Variants in ZBTB44 observed in about 807,000 individuals in gnomAD.
ZBTB44 encodes the protein zinc finger and BTB domain containing 44, also known as zinc finger and BTB domain-containing protein 44.
Under a neutral mutation model 54.0 loss-of-function variants are expected in ZBTB44, and 15 were observed. The observed-to-expected ratio is 0.28, with a 90% CI of 0.19 to 0.43. The LOEUF (loss-of-function observed/expected upper bound fraction) is 0.43, where lower values mean the gene tolerates loss of function less well. Ranked by LOEUF, ZBTB44 falls within the 20% of genes least tolerant of loss-of-function variation. The probability of loss-of-function intolerance (pLI) is 1.00; values close to 1 mark genes in which losing one functional copy is unlikely to be tolerated. For missense variants in ZBTB44, 487 were observed against 707.1 expected, an observed-to-expected ratio of 0.69 and a Z score of 3.53; for synonymous variants, 230 against 250.1, an observed-to-expected ratio of 0.92 and a Z score of 0.76.
intron 1 of ZBTB44, among the ~76,000 whole-genome samples, chr11:130,283,800 T>A (rs1177099581): frequency 3.3e-5 from 5 of 150,794 alleles, no homozygotes; most frequent in Non-Finnish European, 7.4e-5. Flanking sequence ...ATCCCATCTC[T>A]ACTAAAAATA....
intron 4 of ZBTB44, 104 bp downstream of exon 4, chr11:130,238,339 GT>G (rs200944565): frequency 4.3e-5 from 58 of 1,345,842 alleles, no homozygotes; most frequent in Non-Finnish European, 5.0e-5. Context: ...ACTTCCCAGA[GT>G]TTTTTTTAAA....
At chr11:130,308,220 A>G (rs1942384643) in intron 1 of ZBTB44, among the ~76,000 whole-genome samples, 3 of 152,220 alleles carry the variant, frequency 2.0e-5, no homozygotes, top group Non-Finnish European at 4.4e-5. Context: ...TTGTCTAAGT[A>G]CACTTTATGA....
chr11:130,238,984 TA>T (rs1954235989), intron 3 of ZBTB44: 1 of 160,282 alleles, frequency 6.2e-6, no homozygotes, highest in African/African-American at 2.4e-5. Context: ...GAAAATGGAT[TA>T]GGGGAAGAAT....
chr11:130,300,074 T>C (rs1392675245), intron 1 of ZBTB44, among the ~76,000 whole-genome samples: 1 of 152,188 alleles, frequency 6.6e-6, no homozygotes, highest in African/African-American at 2.4e-5. Context: ...ACAAATACCA[T>C]ATGATTCCGA....
chr11:130,241,008 G>C (rs1284418395), intron 2 of ZBTB44, among the ~76,000 whole-genome samples: 2 of 152,136 alleles, frequency 1.3e-5, no homozygotes, highest in Non-Finnish European at 2.9e-5. Context: ...CATACTATAT[G>C]TATTCTTTTG....
At chr11:130,242,182 T>C (rs939121423) in intron 2 of ZBTB44, among the ~76,000 whole-genome samples, 6 of 151,352 alleles carry the variant, frequency 4.0e-5, no homozygotes, top group African/African-American at 1.5e-4. Context: ...ACACAATATT[T>C]TCCTATTTCT....
chr11:130,241,648 T>C (rs959840431), intron 2 of ZBTB44, among the ~76,000 whole-genome samples: 26 of 152,170 alleles, frequency 1.7e-4, no homozygotes, highest in African/African-American at 4.8e-4. Flanking sequence ...CCCCATCCCA[T>C]GGCTTTTTTT....
rs773432222 is a variant in ZBTB44 at position 130,236,954 on chromosome 11, T to C, written c.1407A>G (p.Glu469=). ...ICSATFTSFG[E]YKHHMRVSRH... ...GGGAAACCCTCATGTGGTGTTTATA[T>C]TCCCCGAAGGAAGTGAAAGTGGCAC... Residue 469 remains glutamate (E), a synonymous_variant, in exon 5 of 8, where the codon GAA becomes GAG. Transcript: ENST00000357899. The C allele has an allele frequency of 6.2e-7, 1 of 1,613,258 alleles. No individual in the cohort carries two copies. Among genetic ancestry groups the C allele is most frequent in the Non-Finnish European group, 8.5e-7 (1 of 1,179,604 alleles).
chr11:130,254,203 C>A (rs1042850554), intron 2 of ZBTB44, among the ~76,000 whole-genome samples: 5 of 152,010 alleles, frequency 3.3e-5, no homozygotes, highest in Non-Finnish European at 7.4e-5. Flanking sequence ...GCAACAAAAG[C>A]CAAAATTGAC....
At position 130,260,992 on chromosome 11, in the gene ZBTB44, T is replaced by C. The variant is rs370690093; in HGVS notation, c.882A>G (p.Leu294=). The C allele has an allele frequency of 1.1e-4, 174 of 1,614,000 alleles. 1 individual carries two copies. The South Asian group carries it at 1.7e-3, about 16-fold the overall frequency. The change falls in exon 2 of 8, where the codon TTA becomes TTG. Residue 294 remains leucine (L), a synonymous_variant. Transcript: ENST00000357899. The stretch of plus-strand genomic sequence containing the variant: ...CTTCCTCATGGACCTCCTCATCACT[T>C]AATCTTTCTACTTTGACCCGGACAT... ...EEDVRVKVER[L]SDEEVHEEVS...
chr11:130,307,212 A>C (rs369224028), intron 1 of ZBTB44, among the ~76,000 whole-genome samples: 11 of 152,104 alleles, frequency 7.2e-5, no homozygotes, highest in Non-Finnish European at 1.3e-4. Flanking sequence ...ATCACAAGGT[A>C]AGGAGACCAA....
chr11:130,266,599 TG>T (rs1436243551), intron 1 of ZBTB44, among the ~76,000 whole-genome samples: 5 of 152,316 alleles, frequency 3.3e-5, no homozygotes, highest in African/African-American at 9.6e-5. Context: ...TTGACATTCA[TG>T]GGAGGAGGTC....
chr11:130,288,451 G>T (rs1405224205), intron 1 of ZBTB44, among the ~76,000 whole-genome samples: 2 of 152,008 alleles, frequency 1.3e-5, no homozygotes, highest in African/African-American at 4.8e-5. Flanking sequence ...AAACTCCATT[G>T]TATATCTAAG....
intron 1 of ZBTB44, among the ~76,000 whole-genome samples, chr11:130,262,191 G>A (rs538879157): frequency 6.6e-6 from 1 of 152,298 alleles, no homozygotes; most frequent in South Asian, 2.1e-4. Flanking sequence ...CCAGGCTGGA[G>A]TGCAGCGGGG....
At chr11:130,282,046 A>G (rs969942768) in intron 1 of ZBTB44, among the ~76,000 whole-genome samples, 2 of 152,158 alleles carry the variant, frequency 1.3e-5, no homozygotes. Context: ...GTGAGACCCA[A>G]TTTCTTAAAA....
chr11:130,239,107 A>AT, intron 3 of ZBTB44: 1 of 152,924 alleles, frequency 6.5e-6, no homozygotes, highest in East Asian at 1.9e-4. Context: ...GATATATTTT[A>AT]TAGGCAGAGT....
intron 1 of ZBTB44, among the ~76,000 whole-genome samples, chr11:130,288,980 A>G (rs1941141529): frequency 6.6e-6 from 1 of 152,178 alleles, no homozygotes; most frequent in East Asian, 1.9e-4. Context: ...AGCAAGGTGA[A>G]TGGACTGCTG....
chr11:130,269,671 T>C (rs1033785178), intron 1 of ZBTB44, among the ~76,000 whole-genome samples: 5 of 152,196 alleles, frequency 3.3e-5, no homozygotes, highest in African/African-American at 1.2e-4. Context: ...TACAGCCTAG[T>C]TGATAAAGTA....
At chr11:130,251,464 C>A (rs1397819137) in intron 2 of ZBTB44, among the ~76,000 whole-genome samples, 1 of 152,026 alleles carries the variant, frequency 6.6e-6, no homozygotes, top group Non-Finnish European at 1.5e-5. Flanking sequence ...AGATACTCCT[C>A]GAGAATAGCA....
Sources: gnomAD v4.1 joint callset for allele counts (sites outside exome capture counted in the v4.1 genomes callset) on GRCh38, gnomAD v4.1.1 for gene constraint, MANE v1.5 for transcripts, NCBI Gene and HGNC (gene_info 2026-07-23, HGNC 2026-07-21) for gene names.